CELF4: variants seen among roughly 807,000 people sequenced by gnomAD.
The protein encoded by CELF4 is CUGBP Elav-like family member 4.
In CELF4, 18 loss-of-function variants were observed where a neutral mutation model predicts 59.9. The observed-to-expected ratio is 0.30, with a 90% CI of 0.21 to 0.45. CELF4 has a LOEUF of 0.45. Ranked by LOEUF, CELF4 falls within the 20% of genes least tolerant of loss-of-function variation. CELF4 has a pLI of 1.00. For synonymous variants in CELF4, 261 were observed against 267.1 expected, an observed-to-expected ratio of 0.98 and a Z score of 0.22; for missense variants, 456 against 689.0, an observed-to-expected ratio of 0.66 and a Z score of 3.79.
At chr18:37,316,877 C>T (rs1000144089) in intron 3 of CELF4, among the ~76,000 whole-genome samples, 10 of 152,184 alleles carry the variant, frequency 6.6e-5, no homozygotes, top group Non-Finnish European at 1.0e-4. Flanking sequence ...TGTCTTCCCA[C>T]TGCCTCTAGG....
chr18:37,472,421 A>G (rs1338026460), intron 2 of CELF4, among the ~76,000 whole-genome samples: 3 of 152,392 alleles, frequency 2.0e-5, no homozygotes, highest in Non-Finnish European at 4.4e-5. Flanking sequence ...ATGGATCAGA[A>G]GGGGCCAGGT....
At chr18:37,415,624 A>G (rs956370027) in intron 2 of CELF4, among the ~76,000 whole-genome samples, 3 of 152,248 alleles carry the variant, frequency 2.0e-5, no homozygotes, top group African/African-American at 7.2e-5. Context: ...ATGGTCTTCA[A>G]GCACTTTGTT....
At chr18:37,449,628 G>C (rs566171099) in intron 2 of CELF4, among the ~76,000 whole-genome samples, 2 of 152,132 alleles carry the variant, frequency 1.3e-5, no homozygotes, top group African/African-American at 4.8e-5. Context: ...CTGGTTGGAC[G>C]GTCACAGAAA....
chr18:37,273,726 C>T (rs747957674), intron 6 of CELF4: 328 of 987,498 alleles, frequency 3.3e-4, no homozygotes, highest in Non-Finnish European at 3.6e-4. Flanking sequence ...GACCCAGAAC[C>T]GTGGCCTGCC....
intron 3 of CELF4, among the ~76,000 whole-genome samples, chr18:37,302,297 G>A (rs889253309): frequency 6.6e-6 from 1 of 152,116 alleles, no homozygotes; most frequent in Non-Finnish European, 1.5e-5. Flanking sequence ...CAGTGTGTGG[G>A]GAGAATAGAA....
chr18:37,256,595 A>T (rs11660873), intron 11 of CELF4, among the ~76,000 whole-genome samples: 19,312 of 152,020 alleles, frequency 0.13, 1,548 homozygotes, highest in Non-Finnish European at 0.17. Context: ...TTATTTTGTT[A>T]TTTATTTTTG....
intron 6 of CELF4, 45 bp downstream of exon 6, chr18:37,274,266 G>A (rs748578304): frequency 3.1e-5 from 49 of 1,605,392 alleles, no homozygotes; most frequent in Non-Finnish European, 4.1e-5. Flanking sequence ...GAGGCTCCCA[G>A]GGGAGTGAGC....
chr18:37,261,082 A>C (rs2074046445), intron 10 of CELF4, among the ~76,000 whole-genome samples: 1 of 152,100 alleles, frequency 6.6e-6, no homozygotes, highest in African/African-American at 2.4e-5. Context: ...CCTCTCTGAA[A>C]GAACCTCCAG....
chr18:37,386,479 T>A (rs1479517878), intron 2 of CELF4, among the ~76,000 whole-genome samples: 2 of 152,132 alleles, frequency 1.3e-5, no homozygotes, highest in Admixed American at 1.3e-4. Flanking sequence ...GAGAACCAGC[T>A]GATGGGAATG....
intron 3 of CELF4, among the ~76,000 whole-genome samples, chr18:37,285,806 A>G (rs761316136): frequency 1.4e-4 from 22 of 152,160 alleles, no homozygotes; most frequent in Non-Finnish European, 2.4e-4. Context: ...GCGCGCAGCC[A>G]TCTCTCCAGG....
chr18:37,461,255 G>A (rs2099792663), intron 2 of CELF4, among the ~76,000 whole-genome samples: 1 of 152,162 alleles, frequency 6.6e-6, no homozygotes, highest in African/African-American at 2.4e-5. Flanking sequence ...GTTAATCTGT[G>A]CTCATGCTGC....
chr18:37,274,160 C>A (rs749285405), intron 6 of CELF4, 151 bp downstream of exon 6: 3 of 1,465,032 alleles, frequency 2.0e-6, no homozygotes, highest in Non-Finnish European at 2.7e-6. Context: ...TGAAGTTAAA[C>A]CCCCCAGGTT....
At chr18:37,327,512 A>G (rs932119501) in intron 2 of CELF4, among the ~76,000 whole-genome samples, 4 of 152,188 alleles carry the variant, frequency 2.6e-5, no homozygotes, top group African/African-American at 9.7e-5. Flanking sequence ...GCATTCTGCC[A>G]CCAAAGGAGG....
chr18:37,272,992 G>T (rs778765415), intron 7 of CELF4, 24 bp downstream of exon 7: 1 of 1,594,364 alleles, frequency 6.3e-7, no homozygotes, highest in Non-Finnish European at 8.6e-7. Flanking sequence ...GGGCCAGACC[G>T]CGTGTTGGCA....
chr18:37,501,054 A>G (rs1432662844), intron 1 of CELF4, among the ~76,000 whole-genome samples: 2 of 152,214 alleles, frequency 1.3e-5, no homozygotes, highest in Non-Finnish European at 2.9e-5. Context: ...GCCATGGCCA[A>G]GGATTCAGGC....
At chr18:37,493,614 A>G (rs575896834) in intron 1 of CELF4, among the ~76,000 whole-genome samples, 3 of 151,462 alleles carry the variant, frequency 2.0e-5, no homozygotes, top group South Asian at 4.2e-4. Flanking sequence ...GGCCCCTGGT[A>G]GCAGGAGCCA....
intron 3 of CELF4, among the ~76,000 whole-genome samples, chr18:37,313,535 G>T (rs2096750853): frequency 6.6e-6 from 1 of 152,144 alleles, no homozygotes; most frequent in African/African-American, 2.4e-5. Context: ...ATTCTGGAAG[G>T]GAGAAACCCA....
chr18:37,416,678 G>A (rs767104073), intron 2 of CELF4, among the ~76,000 whole-genome samples: 6 of 152,200 alleles, frequency 3.9e-5, no homozygotes, highest in Non-Finnish European at 7.3e-5. Context: ...GTCTTCTCAT[G>A]CATCAAGCCC....
chr18:37,386,124 G>C (rs558566845), intron 2 of CELF4, among the ~76,000 whole-genome samples: 17 of 152,302 alleles, frequency 1.1e-4, no homozygotes, highest in African/African-American at 3.4e-4. Context: ...TCACTCTTCT[G>C]CCACCTTAAT....
Sources: allele counts gnomAD v4.1 joint callset (sites outside exome capture counted in the v4.1 genomes callset), GRCh38; gene constraint gnomAD v4.1.1; transcripts MANE v1.5; gene names NCBI Gene and HGNC (gene_info 2026-07-23, HGNC 2026-07-21).